Variants in TEX36 observed in about 807,000 individuals in gnomAD.
TEX36 encodes testis expressed 36.
In TEX36, 12 loss-of-function variants were observed where a neutral mutation model predicts 13.6. The ratio of observed to expected loss-of-function variants is 0.88; its 90% confidence interval spans 0.56 to 1.43. The LOEUF (loss-of-function observed/expected upper bound fraction) is 1.43, where lower values mean the gene tolerates loss of function less well. Among genes scored for constraint, TEX36 ranks in the 40% most tolerant of loss-of-function variants. The pLI, the probability that TEX36 is intolerant of heterozygous loss-of-function variation, is 0.00. For synonymous variants in TEX36, 93 were observed against 83.0 expected (o/e 1.12, Z -0.65); for missense variants, 224 against 228.3 (o/e 0.98, Z 0.12).
chr10:125,622,266 C>T (rs373849370), intron 3 of TEX36, among the ~76,000 whole-genome samples: 17 of 152,194 alleles, frequency 1.1e-4, no homozygotes, highest in East Asian at 7.7e-4. Flanking sequence ...AGACAAACAA[C>T]GCTTAAATGC....
At chr10:125,606,173 T>G (rs1846213529) in intron 3 of TEX36, among the ~76,000 whole-genome samples, 1 of 152,178 alleles carries the variant, frequency 6.6e-6, no homozygotes, top group Non-Finnish European at 1.5e-5. Context: ...AAAGAGAAAT[T>G]GACAGTCCTT....
Position 125,602,532 on chromosome 10 carries a change from G to A in TEX36, c.265-25658C>T, listed in dbSNP as rs188004084. The stretch of plus-strand genomic sequence containing the variant: ...CATCTGATTCCCTCCACTGGGATTC[G>A]TCTCTCCTCCTCATGCTCCCCGGCA... On this transcript the variant is annotated intron_variant, in intron 3 of 3. Transcript: ENST00000532135. Among the ~76,000 whole-genome samples, 165 of 152,166 alleles carry A rather than the reference G, an allele frequency of 1.1e-3. 1 individual carries two copies. The highest frequency in any genetic ancestry group is 3.9e-3 in the African/African-American group (160 of 41,514).
chr10:125,609,472 T>C (rs979647922), intron 3 of TEX36, among the ~76,000 whole-genome samples: 3 of 152,226 alleles, frequency 2.0e-5, no homozygotes, highest in South Asian at 2.1e-4. Context: ...ACCAACAGAA[T>C]GTGAGTAGCA....
chr10:125,627,118 G>A (rs190558610), intron 3 of TEX36, among the ~76,000 whole-genome samples: 6 of 152,286 alleles, frequency 3.9e-5, no homozygotes, highest in Middle Eastern at 3.4e-3. Flanking sequence ...TGTATCTCCC[G>A]TAGGAGAAGA....
chr10:125,666,267 T>C (rs1187967499), intron 1 of TEX36, among the ~76,000 whole-genome samples: 4 of 152,224 alleles, frequency 2.6e-5, no homozygotes, highest in Non-Finnish European at 5.9e-5. Flanking sequence ...AGAATCCTTG[T>C]CTTGTTTCAG....
chr10:125,607,600 C>T (rs141626979), intron 3 of TEX36, among the ~76,000 whole-genome samples: 3 of 152,228 alleles, frequency 2.0e-5, no homozygotes, highest in African/African-American at 7.2e-5. Context: ...ATGACAGAGA[C>T]ACATCCTCAT....
downstream of TEX36, among the ~76,000 whole-genome samples, chr10:125,619,636 C>T (rs528965692): frequency 3.0e-4 from 46 of 152,168 alleles, no homozygotes; most frequent in African/African-American, 7.2e-4. Flanking sequence ...CTGCAACCTC[C>T]GCCTCCCGGG....
Position 125,677,309 on chromosome 10 carries a change from T to C in TEX36, c.51+5630A>G, listed in dbSNP as rs9422801. On this transcript the variant is annotated intron_variant, in intron 1 of 3. Coordinates refer to ENST00000368821, the MANE Select transcript of TEX36 (RefSeq NM_001128202.3). ...AATAGGTTTTCTAATCTTTTCTTTG[T>C]CTCTTTTCTCTGGAGGATCCTGATA... is the stretch of plus-strand genomic sequence containing the variant. Among the ~76,000 whole-genome samples the C allele has an allele frequency of 9.7e-3, 1,477 of 152,288 alleles. 22 individuals are homozygous for C. The highest frequency in any genetic ancestry group is 0.033 in the African/African-American group (1,360 of 41,568).
chr10:125,597,419 C>T (rs1846094140), intron 3 of TEX36, among the ~76,000 whole-genome samples: 1 of 152,186 alleles, frequency 6.6e-6, no homozygotes, highest in Admixed American at 6.5e-5. Context: ...CAAAGAGAAC[C>T]TTGCAACTAA....
chr10:125,655,493 G>T (rs1589776142), downstream of TEX36, among the ~76,000 whole-genome samples: 2 of 152,140 alleles, frequency 1.3e-5, no homozygotes, highest in African/African-American at 4.8e-5. Flanking sequence ...ACATAGTAAT[G>T]TTGAAAAGTT....
chr10:125,631,015 T>G (rs907910425), intron 3 of TEX36, among the ~76,000 whole-genome samples: 5 of 152,202 alleles, frequency 3.3e-5, no homozygotes, highest in African/African-American at 1.2e-4. Context: ...CACTTCTGCC[T>G]GCTTTTTAAG....
At chr10:125,634,177 G>A (rs1846595372) in intron 3 of TEX36, among the ~76,000 whole-genome samples, 1 of 152,118 alleles carries the variant, frequency 6.6e-6, no homozygotes, top group African/African-American at 2.4e-5. Context: ...AAATCCTGTT[G>A]TCTGAATCTT....
chr10:125,588,197 T>C (rs1177389999), intron 3 of TEX36, among the ~76,000 whole-genome samples: 1 of 152,228 alleles, frequency 6.6e-6, no homozygotes, highest in Admixed American at 6.5e-5. Context: ...GAACTCTCCA[T>C]AGAGGTTGTA....
chr10:125,601,179 A>G (rs572461910), intron 3 of TEX36, among the ~76,000 whole-genome samples: 1 of 152,272 alleles, frequency 6.6e-6, no homozygotes, highest in Non-Finnish European at 1.5e-5. Context: ...GTTAATCATA[A>G]CAGCTAATAT....
chr10:125,584,376 A>G (rs953648567), intron 3 of TEX36, among the ~76,000 whole-genome samples: 1 of 152,268 alleles, frequency 6.6e-6, no homozygotes, highest in Non-Finnish European at 1.5e-5. Flanking sequence ...AATGTAGATA[A>G]TTCAGAAATA....
At chr10:125,676,366 CCTT>C (rs1847312333) in intron 1 of TEX36, among the ~76,000 whole-genome samples, 1 of 152,016 alleles carries the variant, frequency 6.6e-6, no homozygotes, top group Admixed American at 6.6e-5. Flanking sequence ...TATATAATGA[CCTT>C]CTTTGTATTT....
chr10:125,655,553 A>G, downstream of TEX36: 1 of 435,208 alleles, frequency 2.3e-6, no homozygotes, highest in South Asian at 9.0e-5. Flanking sequence ...AAAAACAAGT[A>G]GTTAACTTAC....
At chr10:125,654,525 T>C (rs1003291927), downstream of TEX36, among the ~76,000 whole-genome samples, 2 of 152,198 alleles carry the variant, frequency 1.3e-5, no homozygotes, top group African/African-American at 4.8e-5. Context: ...ATTGGCAGTG[T>C]TATTTTTGTT....
At chr10:125,621,963 G>A (rs1366279472) in intron 3 of TEX36, among the ~76,000 whole-genome samples, 2 of 152,122 alleles carry the variant, frequency 1.3e-5, no homozygotes, top group Non-Finnish European at 2.9e-5. Context: ...TTGAGGGCGG[G>A]TCTTCCTCTC....
Sources: allele counts gnomAD v4.1 joint callset (sites outside exome capture counted in the v4.1 genomes callset), GRCh38; gene constraint gnomAD v4.1.1; transcripts MANE v1.5; gene names NCBI Gene and HGNC (gene_info 2026-07-23, HGNC 2026-07-21).